EME2: variants seen among roughly 807,000 people sequenced by gnomAD.
The protein encoded by EME2 is essential meiotic structure-specific endonuclease subunit 2.
In EME2, 58 loss-of-function variants were observed where a neutral mutation model predicts 41.9. The observed-to-expected ratio is 1.38, with a 90% confidence interval of 1.12 to 1.72. The LOEUF (loss-of-function observed/expected upper bound fraction) is 1.72. Ranked by LOEUF, EME2 falls within the 40% of genes most tolerant of loss-of-function variation. The probability of loss-of-function intolerance (pLI) is 0.00; values close to 1 mark genes in which losing one functional copy is unlikely to be tolerated. For synonymous variants in EME2, 334 were observed against 239.3 expected (o/e 1.40, Z -3.65); for missense variants, 695 against 541.9 (o/e 1.28, Z -2.81).
intron 3 of EME2, chr16:1,774,829 C>T (rs1400862069): frequency 1.9e-5 from 12 of 624,744 alleles, no homozygotes; most frequent in Middle Eastern, 4.4e-4. Context: ...GACATGTGCC[C>T]GAGCAGCCAC....
Position 1,778,278 on chromosome 16 carries a change from G to C in EME2, c.*2040G>C. The C allele has an allele frequency of 3.1e-6, 5 of 1,612,746 alleles. No individual in the cohort carries two copies. Among genetic ancestry groups the C allele is most frequent in the Non-Finnish European group, 3.4e-6 (4 of 1,180,008 alleles). On this transcript the variant is annotated 3_prime_UTR_variant, in exon 8 of 8. Transcript: ENST00000568449. ...CCTTACGGTTGTCACAGCTCAGCAG[G>C]GTGGCTGATGACTTATTTAAGTCAT...
At position 1,781,569 on chromosome 16, in the gene EME2, C is replaced by T; in HGVS notation, c.*5331C>T. 2.6e-6 allele frequency: 4 copies of T among 1,519,106 alleles called. No individual in the cohort carries two copies. Among genetic ancestry groups the T allele is most frequent in the Non-Finnish European group, 3.6e-6 (4 of 1,125,286 alleles). The allele number at this position is 1,519,106 out of a possible 1,614,324, so 94.1% of individuals were successfully genotyped here. On this transcript the variant is annotated 3_prime_UTR_variant, in exon 8 of 8. Transcript: ENST00000568449. The stretch of plus-strand genomic sequence containing the variant: ...AGCCCTGAGCTTCCAGGCTGGGCCA[C>T]GGACCCACTCAAAGTGGGGACTGCA...
rs755568189 is a variant in EME2, at chr16:1,778,376, T to G, written c.*2138T>G. ...CTGAGAGCTCCATGGGGCTCTGCCC[T>G]GCCCACCCCCAGGCCCGCCCGCAGT... On this transcript the variant is annotated 3_prime_UTR_variant, in exon 8 of 8. Coordinates refer to ENST00000568449, the MANE Select transcript of EME2 (RefSeq NM_001257370.2). 2.5e-6 allele frequency: 4 copies of G among 1,608,296 alleles called. No homozygotes were observed. The highest frequency in any genetic ancestry group is 1.7e-5 in the Admixed American group (1 of 59,814).
At position 1,776,006 on chromosome 16, in the gene EME2, A is replaced by T; in HGVS notation, c.969+20A>T. 6.2e-7 allele frequency: 1 copy of T among 1,607,078 alleles called. No individual in the cohort carries two copies. Among genetic ancestry groups the T allele is most frequent in the Non-Finnish European group, 8.5e-7 (1 of 1,178,378 alleles). ...CAGCAGGTGGGCCCCTGCCTCCTCC[A>T]AGCCCTCCAGGTGCAGAAGCCCCGT... On this transcript the variant is annotated intron_variant, in intron 7 of 7. Transcript: ENST00000568449.
chr16:1,776,813 C>T lies in EME2; in HGVS notation c.*575C>T, dbSNP rs2042719814. 3.9e-6 allele frequency: 2 copies of T among 510,904 alleles called. No individual in the cohort carries two copies. The highest frequency in any genetic ancestry group is 3.3e-5 in the East Asian group (1 of 30,392). The allele number at this position is 510,904 out of a possible 1,614,324, so 31.6% of individuals were successfully genotyped here. ...AGAGCAAGTTAGGAAAAACCGAGGC[C>T]CTGTGGGAACAGCAACGCGGGCTCC... On this transcript the variant is annotated 3_prime_UTR_variant, in exon 8 of 8. Transcript: ENST00000568449.
In EME2 at chr16:1,776,368, C is replaced by G; in HGVS notation, c.*130C>G. 1.2e-6 allele frequency: 1 copy of G among 835,262 alleles called. No homozygotes were observed. The highest frequency in any genetic ancestry group is 1.9e-6 in the Non-Finnish European group (1 of 527,018). 51.7% of individuals were successfully genotyped at this position (835,262 alleles called of 1,614,324 possible). ...GGTTCTCTGGCTGAGCAGGTCTGAC[C>G]TCAGGGGAAGGGTGGGTGGTTGCAG... On this transcript the variant is annotated 3_prime_UTR_variant, in exon 8 of 8. Transcript: ENST00000568449.
chr16:1,781,699 G>A lies in EME2; in HGVS notation c.*5461G>A, dbSNP rs1195591592. The A allele has an allele frequency of 5.2e-6, 3 of 580,424 alleles. No homozygotes were observed. The highest frequency in any genetic ancestry group is 3.2e-5 in the Admixed American group (1 of 31,518). The allele number at this position is 580,424 out of a possible 1,614,324, so 36.0% of individuals were successfully genotyped here. On this transcript the variant is annotated 3_prime_UTR_variant, in exon 8 of 8. Coordinates refer to ENST00000568449, the MANE Select transcript of EME2 (RefSeq NM_001257370.2). ...AAAACCCAGGTAGATCCTGTGAAAC[G>A]CCACCCAGACACCCATGACTCCGGA...
chr16:1,774,062 T>C (rs957610618), intron 2 of EME2, among the ~76,000 whole-genome samples, 198 bp from the exon 3 acceptor site: 1 of 152,220 alleles, frequency 6.6e-6, no homozygotes, highest in African/African-American at 2.4e-5. Context: ...GGCTGTGGTC[T>C]GGATTCCTGC....
In EME2 at chr16:1,775,964, C is replaced by G. The variant is rs563874572; in HGVS notation, c.947C>G (p.Pro316Arg). ...AVADAVVTAF[P>R]SPRLLQQALE... ...GCTGATGCAGTTGTCACAGCCTTCC[C>G]CTCCCCCCGCCTTCTGCAGCAGGTG... Residue 316 changes from proline (P) to arginine (R), a missense_variant, in exon 7 of 8, where the codon CCC becomes CGC. Pro to Arg is a moderately radical substitution (Grantham distance 103). Transcript: ENST00000568449. 2 of 1,609,356 alleles carry G rather than the reference C, an allele frequency of 1.2e-6. No homozygotes were observed. The highest frequency in any genetic ancestry group is 1.7e-6 in the Non-Finnish European group (2 of 1,179,006).
chr16:1,775,170 G>A, intron 4 of EME2, 38 bp downstream of exon 4: 2 of 1,605,930 alleles, frequency 1.2e-6, no homozygotes, highest in Non-Finnish European at 1.7e-6. Context: ...GGGCTGGCTG[G>A]GACGGGGGTT....
At position 1,775,583 on chromosome 16, in the gene EME2, G is replaced by A. The variant is rs1445724335; in HGVS notation, c.678G>A (p.Leu226=). 6 of 1,612,750 alleles carry A rather than the reference G, an allele frequency of 3.7e-6. No homozygotes were observed. Among genetic ancestry groups the A allele is most frequent in the African/African-American group, 2.7e-5 (2 of 74,936 alleles). Residue 226 remains leucine (L), a synonymous_variant, in exon 6 of 8, where the codon CTG becomes CTA. Transcript: ENST00000568449. ...CTCCTCCCCAGGCCCTGGTACTCCT[G>A]CAGCTCTGGGCAAACCTGGACGTGC... ...WPEVEEALVL[L]QLWANLDVLL... is the part of the protein sequence containing the mutation.
rs367849539 is a variant in EME2, at chr16:1,775,161, G to A, written c.569+29G>A. 9.3e-6 allele frequency: 15 copies of A among 1,609,416 alleles called. No individual in the cohort carries two copies. In the African/African-American group the frequency reaches 1.7e-4, roughly 19 times the overall value. On this transcript the variant is annotated intron_variant, in intron 4 of 7. Transcript: ENST00000568449. ...CCGCTCACTCTCATGCCCACAGCAG[G>A]GCTGGCTGGGACGGGGGTTCAGGGG...
Position 1,778,648 on chromosome 16 carries a change from C to T in EME2, c.*2410C>T, listed in dbSNP as rs1051454382. 1.3e-6 allele frequency: 2 copies of T among 1,519,818 alleles called. No homozygotes were observed. Among genetic ancestry groups the T allele is most frequent in the Admixed American group, 3.9e-5 (2 of 51,678 alleles). 94.1% of individuals were successfully genotyped at this position (1,519,818 alleles called of 1,614,324 possible). ...AGGGCCGGCTGTTACTACCTGTTGCCCGCTCTCTACCCTCTCACCCTTGCC... is the reference window on the plus strand; with the variant it reads ...AGGGCCGGCTGTTACTACCTGTTGCTCGCTCTCTACCCTCTCACCCTTGCC... On this transcript the variant is annotated 3_prime_UTR_variant, in exon 8 of 8. Transcript: ENST00000568449.
Position 1,774,292 on chromosome 16 carries a change from G to T in EME2, c.417G>T (p.Gln139His), listed in dbSNP as rs1301017055. The change falls in exon 3 of 8, where the codon CAG (glutamine) becomes CAT (histidine). Residue 139 changes from glutamine (Q) to histidine (H), a missense_variant. Physicochemically the swap from Gln to His is conservative, Grantham distance 24. Coordinates refer to ENST00000568449, the MANE Select transcript of EME2 (RefSeq NM_001257370.2). ...CTGAAGTGTGGGCTGCAGGTGAACA[G>T]GAATTGCTGCTGCTGCTGGAGCCCG... ...LPPEVWAAGE[Q>H]ELLLLLEPEE... The T allele has an allele frequency of 6.2e-7, 1 of 1,612,816 alleles. No individual in the cohort carries two copies. The highest frequency in any genetic ancestry group is 1.7e-5 in the Admixed American group (1 of 60,022).
Position 1,778,655 on chromosome 16 carries a change from C to G in EME2, c.*2417C>G. ...GCTGTTACTACCTGTTGCCCGCTCT[C>G]TACCCTCTCACCCTTGCCCTCTGTC... On this transcript the variant is annotated 3_prime_UTR_variant, in exon 8 of 8. Transcript: ENST00000568449. 3 of 1,516,610 alleles carry G rather than the reference C, an allele frequency of 2.0e-6. No homozygotes were observed. 93.9% of individuals were successfully genotyped at this position (1,516,610 alleles called of 1,614,324 possible).
rs1567229513 is a variant in EME2, at chr16:1,777,367, C to T, written c.*1129C>T. ...TGGCGCTGGCACAGGAGCGGGTGAC[C>T]TTCATGCTGCTCCGGGCCGCCGTGG... On this transcript the variant is annotated 3_prime_UTR_variant, in exon 8 of 8. Coordinates refer to ENST00000568449, the MANE Select transcript of EME2 (RefSeq NM_001257370.2). 1.2e-6 allele frequency: 2 copies of T among 1,603,978 alleles called. No individual in the cohort carries two copies. The highest frequency in any genetic ancestry group is 1.7e-6 in the Non-Finnish European group (2 of 1,177,448).
rs1334303426 is a variant in EME2 at position 1,773,328 on chromosome 16, C to T, written c.101C>T (p.Ser34Leu). The change falls in exon 1 of 8, where the codon TCA (serine) becomes TTA (leucine). Residue 34 changes from serine (S) to leucine (L), a missense_variant. By Grantham distance (145) the Ser-to-Leu change is moderately radical. Transcript: ENST00000568449. ...CGGCGACCTCCAACCTGGGAGATCT[C>T]AGACTCCGACGCTGAGGACTCCGCC... is the stretch of plus-strand genomic sequence containing the variant. The part of the protein sequence containing the change: ...GQRRPPTWEI[S>L]DSDAEDSAGS... 2 of 1,512,730 alleles carry T rather than the reference C, an allele frequency of 1.3e-6. No individual in the cohort carries two copies. The highest frequency in any genetic ancestry group is 1.8e-6 in the Non-Finnish European group (2 of 1,139,902). The allele number at this position is 1,512,730 out of a possible 1,614,324, so 93.7% of individuals were successfully genotyped here. A position where few individuals can be genotyped will look rare whatever the true frequency, so the allele number is the denominator to read the frequency against.
chr16:1,773,973 G>T, intron 2 of EME2, 132 bp downstream of exon 2: 2 of 1,256,874 alleles, frequency 1.6e-6, no homozygotes, highest in Non-Finnish European at 1.1e-6. Flanking sequence ...AGCAAGGATG[G>T]AGAACGGGAA....
In EME2 at chr16:1,777,189, C is replaced by A; in HGVS notation, c.*951C>A. On this transcript the variant is annotated 3_prime_UTR_variant, in exon 8 of 8. Transcript: ENST00000568449. Reference sequence around the variant, plus strand: ...GCTGCCTGGGGATCGGACACTGGAGCCTTGCGGCGGCTGCAACTCATGCTC... The same window carrying A: ...GCTGCCTGGGGATCGGACACTGGAGACTTGCGGCGGCTGCAACTCATGCTC... The A allele has an allele frequency of 6.2e-7, 1 of 1,610,652 alleles. No homozygotes were observed.
Sources: gnomAD v4.1 joint callset for allele counts (sites outside exome capture counted in the v4.1 genomes callset) on GRCh38, gnomAD v4.1.1 for gene constraint, MANE v1.5 for transcripts, NCBI Gene and HGNC (gene_info 2026-07-23, HGNC 2026-07-21) for gene names.